Variants in STX8 observed in about 807,000 individuals in gnomAD.
STX8 encodes syntaxin 8, also known as syntaxin-8.
A neutral mutation model predicts 37.5 loss-of-function variants in STX8; 23 were observed. The ratio of observed to expected loss-of-function variants is 0.61; its 90% CI spans 0.44 to 0.87. The LOEUF (loss-of-function observed/expected upper bound fraction) is 0.87, where lower values mean the gene tolerates loss of function less well. STX8 is among the 40% of genes least tolerant of loss of function. The pLI is 0.00. For missense variants in STX8, 313 were observed against 284.7 expected, an observed-to-expected ratio of 1.10 and a Z score of -0.71; for synonymous variants, 115 against 99.1, an observed-to-expected ratio of 1.16 and a Z score of -0.95.
Position 9,264,411 on chromosome 17 carries a change from C to T in STX8, c.644-13766G>A, listed in dbSNP as rs78143251. ...CCTCCACCTTCTGAGCTCAAGTGAT[C>T]CCCCCACGTCAGCCTCCTGAGAAGA... On this transcript the variant is annotated intron_variant, in intron 7 of 7. Coordinates refer to ENST00000306357, the MANE Select transcript of STX8 (RefSeq NM_004853.3). Among the ~76,000 whole-genome samples the T allele has an allele frequency of 7.1e-4, 108 of 152,256 alleles. No homozygotes were observed. In the East Asian group the frequency reaches 0.016, roughly 22 times the overall value.
chr17:9,288,000 G>C (rs1430119011), intron 7 of STX8, among the ~76,000 whole-genome samples: 1 of 147,630 alleles, frequency 6.8e-6, no homozygotes, highest in East Asian at 2.1e-4. Context: ...CACCCGCCTC[G>C]GCTTCCCAAA....
At chr17:9,437,495 T>TG (rs1267448315) in intron 6 of STX8, among the ~76,000 whole-genome samples, 2 of 152,086 alleles carry the variant, frequency 1.3e-5, no homozygotes, top group African/African-American at 4.8e-5. Flanking sequence ...GGCTCATGAG[T>TG]GAAAAAATGA....
At chr17:9,522,036 A>AT (rs1905356727) in intron 4 of STX8, among the ~76,000 whole-genome samples, 1 of 152,138 alleles carries the variant, frequency 6.6e-6, no homozygotes, top group African/African-American at 2.4e-5. Context: ...AAAGGCCATC[A>AT]TTTTTTTGGG....
chr17:9,504,915 A>G lies in STX8; in HGVS notation c.448+123T>C, dbSNP rs567505149. ...TTTGAACCCGGGAGGTGGAGGTTGC[A>G]GTGAGCCAAGATCACGCCACTGCAC... On this transcript the variant is annotated intron_variant, in intron 5 of 7. Transcript: ENST00000306357. 35 of 997,000 alleles carry G rather than the reference A, an allele frequency of 3.5e-5. No individual in the cohort carries two copies. The African/African-American group carries it at 4.8e-4, about 14-fold the overall frequency. 61.8% of individuals were successfully genotyped at this position (997,000 alleles called of 1,614,324 possible).
chr17:9,471,835 C>G (rs1020454164), intron 6 of STX8, among the ~76,000 whole-genome samples: 5 of 152,110 alleles, frequency 3.3e-5, no homozygotes, highest in African/African-American at 9.7e-5. Context: ...CAACCAGGAG[C>G]CTTTTCCCTT....
chr17:9,545,277 T>A lies in STX8; in HGVS notation c.218A>T (p.Gln73Leu). 1 of 1,611,668 alleles carries A rather than the reference T, an allele frequency of 6.2e-7. No homozygotes were observed. ...LRAVSTHQIT[Q>L]LEGDRRQNLL... ...GTTCTGTCTTCGGTCCCCTTCAAGC[T>A]GTGTTCTGCAGATATCTTGTTAAGG... is the stretch of plus-strand genomic sequence containing the variant. Residue 73 changes from glutamine (Q) to leucine (L), a missense_variant, in exon 4 of 8, where the codon CAG becomes CTG. By Grantham distance (113) the Gln-to-Leu change is moderately radical. Coordinates refer to ENST00000306357, the MANE Select transcript of STX8 (RefSeq NM_004853.3).
intron 6 of STX8, among the ~76,000 whole-genome samples, chr17:9,386,858 TTTTC>T (rs1912031444): frequency 6.6e-6 from 1 of 152,100 alleles, no homozygotes; most frequent in Non-Finnish European, 1.5e-5. Flanking sequence ...AGGTATTTCT[TTTTC>T]TTTCTTTTTT....
In STX8 at chr17:9,546,590, G is replaced by GTTTTTTTTTTTTTTTTTTTTTTTT. The variant is rs745424722; in HGVS notation, c.213-1309_213-1308insAAAAAAAAAAAAAAAAAAAAAAAA. 1.1e-3 allele frequency among the ~76,000 whole-genome samples: 69 copies of GTTTTTTTTTTTTTTTTTTTTTTTT among 62,222 alleles called. 7 individuals carry two copies. The highest frequency in any genetic ancestry group is 1.4e-3 in the African/African-American group (24 of 17,100). 40.8% of individuals were successfully genotyped at this position (62,222 alleles called of 152,430 possible). ...CTTTCTTGATGCAAACTACAAAAGTGGTTTTTTTTTTTTTTTTTTTTTTTT... is the reference window on the plus strand; with the variant it reads ...CTTTCTTGATGCAAACTACAAAAGTGTTTTTTTTTTTTTTTTTTTTTTTTGTTTTTTTTTTTTTTTTTTTTTTTT... On this transcript the variant is annotated intron_variant, in intron 3 of 7. Coordinates refer to ENST00000306357, the MANE Select transcript of STX8 (RefSeq NM_004853.3).
intron 6 of STX8, among the ~76,000 whole-genome samples, chr17:9,465,211 G>A (rs552780982): frequency 4.0e-5 from 6 of 150,996 alleles, no homozygotes; most frequent in African/African-American, 1.5e-4. Flanking sequence ...TTTTTTAACT[G>A]AGGAAATGTC....
chr17:9,556,396 G>C (rs1432379382), intron 3 of STX8, among the ~76,000 whole-genome samples: 1 of 151,996 alleles, frequency 6.6e-6, no homozygotes, highest in African/African-American at 2.4e-5. Flanking sequence ...AGTTAGTGTA[G>C]GTAACAAGTC....
At chr17:9,334,757 C>T (rs968102192) in intron 7 of STX8, among the ~76,000 whole-genome samples, 1 of 152,140 alleles carries the variant, frequency 6.6e-6, no homozygotes, top group Non-Finnish European at 1.5e-5. Flanking sequence ...ACATGGCACT[C>T]TGATGAGGGT....
chr17:9,536,552 G>C (rs190740361), intron 4 of STX8, among the ~76,000 whole-genome samples: 2 of 152,092 alleles, frequency 1.3e-5, no homozygotes, highest in South Asian at 2.1e-4. Context: ...GAGTGGGTCA[G>C]GACAATAAGC....
chr17:9,347,215 A>G (rs1420802345), intron 7 of STX8, among the ~76,000 whole-genome samples: 1 of 151,970 alleles, frequency 6.6e-6, no homozygotes, highest in Non-Finnish European at 1.5e-5. Context: ...AACATCTCCT[A>G]GTTCACTTTA....
chr17:9,511,336 T>C (rs1183691627), intron 4 of STX8, among the ~76,000 whole-genome samples: 1 of 152,048 alleles, frequency 6.6e-6, no homozygotes, highest in Non-Finnish European at 1.5e-5. Context: ...ATATCCCTGA[T>C]AAATATACAC....
chr17:9,434,180 T>C (rs1194195849), intron 6 of STX8, among the ~76,000 whole-genome samples: 1 of 152,130 alleles, frequency 6.6e-6, no homozygotes, highest in African/African-American at 2.4e-5. Context: ...ATTTTTTGTA[T>C]TTTTAGTACA....
chr17:9,541,003 G>A (rs1268523332), intron 4 of STX8, among the ~76,000 whole-genome samples: 2 of 152,100 alleles, frequency 1.3e-5, no homozygotes, highest in Non-Finnish European at 2.9e-5. Context: ...CAGCCTTATG[G>A]GCATGAAGAG....
intron 6 of STX8, among the ~76,000 whole-genome samples, chr17:9,406,825 A>C (rs1335981032): frequency 6.6e-6 from 1 of 152,182 alleles, no homozygotes; most frequent in Non-Finnish European, 1.5e-5. Context: ...AAAAAGATCC[A>C]TGTATAAGTG....
intron 6 of STX8, among the ~76,000 whole-genome samples, chr17:9,381,218 G>T (rs1409874998): frequency 6.6e-6 from 1 of 151,576 alleles, no homozygotes; most frequent in African/African-American, 2.4e-5. Flanking sequence ...TCTGTCAAGG[G>T]ATTTATGACT....
chr17:9,419,436 C>A (rs1457142658), intron 6 of STX8, among the ~76,000 whole-genome samples: 1 of 152,132 alleles, frequency 6.6e-6, no homozygotes, highest in Non-Finnish European at 1.5e-5. Flanking sequence ...TAAAATCAAT[C>A]ACCTTTTTAA....
Sources: gnomAD v4.1 joint callset for allele counts (sites outside exome capture counted in the v4.1 genomes callset) on GRCh38, gnomAD v4.1.1 for gene constraint, MANE v1.5 for transcripts, NCBI Gene and HGNC (gene_info 2026-07-23, HGNC 2026-07-21) for gene names.